HABP4: variants seen among roughly 807,000 people sequenced by gnomAD.
HABP4 encodes intracellular hyaluronan-binding protein 4.
HABP4 carries 32 observed loss-of-function variants against 44.1 expected under a neutral mutation model. The ratio of observed to expected loss-of-function variants is 0.73; its 90% CI spans 0.55 to 0.97. The LOEUF is 0.97. Among genes scored for constraint, HABP4 ranks in the 50% least tolerant of loss-of-function variants. HABP4 has a pLI of 0.00. For synonymous variants in HABP4, 216 were observed against 218.0 expected (o/e 0.99, Z 0.08); for missense variants, 503 against 561.9 (o/e 0.90, Z 1.06).
Position 96,490,059 on chromosome 9 carries a change from C to A in HABP4, c.*21C>A, listed in dbSNP as rs756759174. The A allele has an allele frequency of 1.3e-5, 20 of 1,515,170 alleles. No individual in the cohort carries two copies. The highest frequency in any genetic ancestry group is 1.0e-4 in the Admixed American group (6 of 59,884). The allele number at this position is 1,515,170 out of a possible 1,614,324, so 93.9% of individuals were successfully genotyped here. ...CTTGAAAGAGCCCTGTTTCCCAGCA[C>A]CGCGGAGCTGCACTGCACACCTGTG... On this transcript the variant is annotated 3_prime_UTR_variant, in exon 8 of 8. Transcript: ENST00000375249.
In HABP4 at chr9:96,488,308, G is replaced by T; in HGVS notation, c.1185+34G>T. On this transcript the variant is annotated intron_variant, in intron 7 of 7. Transcript: ENST00000375249. This position sits in a 1 kb window ranked among gnomAD's most constrained non-coding sequence, Gnocchi z 4.6. Reference sequence around the variant, plus strand: ...CTGTATTGACGGTTTGGCGAAAGAAGTTAATAAGGACAGTGCCCTGGGCCC... The same window carrying T: ...CTGTATTGACGGTTTGGCGAAAGAATTTAATAAGGACAGTGCCCTGGGCCC... 6.7e-7 allele frequency: 1 copy of T among 1,494,356 alleles called. No individual in the cohort carries two copies. The highest frequency in any genetic ancestry group is 1.4e-5 in the African/African-American group (1 of 72,600). 92.6% of individuals were successfully genotyped at this position (1,494,356 alleles called of 1,614,324 possible).
At chr9:96,482,925 G>A (rs1234204107) in intron 5 of HABP4, 1 of 152,030 alleles carries the variant, frequency 6.6e-6, no homozygotes, top group Non-Finnish European at 1.5e-5. Context: ...TCCACTTTTT[G>A]GCTATTATGA....
In HABP4 at chr9:96,451,375, GA is replaced by G. The variant is rs1033878300; in HGVS notation, c.349+748del. On this transcript the variant is annotated intron_variant, in intron 1 of 7. Coordinates refer to ENST00000375249, the MANE Select transcript of HABP4 (RefSeq NM_014282.4). ...GCAGCGTGGTGTCCTGCTGCCTGTG[GA>G]CGGGGAGGGTGCTTCAGAGTTCATT... 6 of 482,100 alleles carry G rather than the reference GA, an allele frequency of 1.2e-5. No individual in the cohort carries two copies. In the African/African-American group the frequency reaches 1.3e-4, roughly 10 times the overall value. 29.9% of individuals were successfully genotyped at this position (482,100 alleles called of 1,614,324 possible).
rs1564169576 is a variant in HABP4, at chr9:96,484,651, T to C, written c.999+18T>C. The C allele has an allele frequency of 7.3e-7, 1 of 1,368,122 alleles. No individual in the cohort carries two copies. The highest frequency in any genetic ancestry group is 1.8e-5 in the Admixed American group (1 of 57,110). The allele number at this position is 1,368,122 out of a possible 1,614,324, so 84.7% of individuals were successfully genotyped here. ...GAGATGATGTAAGCATTGCATTTCGTATGTAGAGGTAATCTTTACTTTTAC... is the reference window on the plus strand; with the variant it reads ...GAGATGATGTAAGCATTGCATTTCGCATGTAGAGGTAATCTTTACTTTTAC... On this transcript the variant is annotated intron_variant, in intron 6 of 7. Coordinates refer to ENST00000375249, the MANE Select transcript of HABP4 (RefSeq NM_014282.4).
chr9:96,458,784 G>A (rs180756850), intron 2 of HABP4, among the ~76,000 whole-genome samples: 3 of 151,960 alleles, frequency 2.0e-5, no homozygotes, highest in Admixed American at 1.3e-4. Context: ...CACCACGCCC[G>A]GCTAATTTTG....
In HABP4 at chr9:96,460,864, C is replaced by T. The variant is rs1832489390; in HGVS notation, c.512+2323C>T. 2.0e-5 allele frequency among the ~76,000 whole-genome samples: 3 copies of T among 152,300 alleles called. No homozygotes were observed. The East Asian group carries it at 5.8e-4, about 29-fold the overall frequency. Reference sequence around the variant, plus strand: ...AAATCTGAATCTTGATATCAGAAAACATTTTCTTAGTTTCTTAAAAAATAC... The same window carrying T: ...AAATCTGAATCTTGATATCAGAAAATATTTTCTTAGTTTCTTAAAAAATAC... On this transcript the variant is annotated intron_variant, in intron 2 of 7. Coordinates refer to ENST00000375249, the MANE Select transcript of HABP4 (RefSeq NM_014282.4).
rs771812484 is a variant in HABP4, at chr9:96,465,361, C to T, written c.537C>T (p.Asp179=). The change falls in exon 3 of 8, where the codon GAC becomes GAT. Residue 179 remains aspartate, a synonymous_variant. Transcript: ENST00000375249. ...GACCAGGTGATAGGTTTGATCGAGACAGACCGTTGAGAGGACGTGGAGGCC... is the reference window on the plus strand; with the variant it reads ...GACCAGGTGATAGGTTTGATCGAGATAGACCGTTGAGAGGACGTGGAGGCC... ...DEKPGDRFDR[D]RPLRGRGGPR... is the part of the protein sequence containing the mutation. The T allele has an allele frequency of 1.9e-6, 3 of 1,610,548 alleles. No individual in the cohort carries two copies. The East Asian group carries it at 6.7e-5, about 36-fold the overall frequency.
At position 96,488,395 on chromosome 9, in the gene HABP4, G is replaced by A. The variant is rs1833013930; in HGVS notation, c.1185+121G>A. Reference sequence around the variant, plus strand: ...AGTCACTTCTTTCTGTAGCTAGTGTGGGACTGATGTTGGGGCATTTGGACG... The same window carrying A: ...AGTCACTTCTTTCTGTAGCTAGTGTAGGACTGATGTTGGGGCATTTGGACG... On this transcript the variant is annotated intron_variant, in intron 7 of 7. Transcript: ENST00000375249. This position sits in a 1 kb window ranked among gnomAD's most constrained non-coding sequence, Gnocchi z 4.6. 1 of 651,364 alleles carries A rather than the reference G, an allele frequency of 1.5e-6. No individual in the cohort carries two copies. The highest frequency in any genetic ancestry group is 2.0e-5 in the South Asian group (1 of 49,062). The allele number at this position is 651,364 out of a possible 1,614,324, so 40.3% of individuals were successfully genotyped here. A position where few individuals can be genotyped will look rare whatever the true frequency, so the allele number is the denominator to read the frequency against.
At chr9:96,460,891 C>T (rs1165542136) in intron 2 of HABP4, among the ~76,000 whole-genome samples, 1 of 152,168 alleles carries the variant, frequency 6.6e-6, no homozygotes, top group African/African-American at 2.4e-5. Flanking sequence ...AAAAAATACC[C>T]TCAATAAATA....
intron 2 of HABP4, among the ~76,000 whole-genome samples, 156 bp from the exon 3 acceptor site, chr9:96,465,181 C>T (rs545539227): frequency 1.3e-5 from 2 of 152,310 alleles, no homozygotes; most frequent in South Asian, 4.1e-4. Flanking sequence ...GGTATATAGT[C>T]TATAGTATGC....
intron 3 of HABP4, 104 bp from the exon 4 acceptor site, chr9:96,465,606 C>T (rs1274987219): frequency 8.7e-7 from 1 of 1,154,836 alleles, no homozygotes; most frequent in African/African-American, 1.5e-5. Flanking sequence ...TGCTGTTATT[C>T]TTGTGAGAAG....
At chr9:96,465,880 T>G in intron 4 of HABP4, 102 bp downstream of exon 4, 2 of 697,192 alleles carry the variant, frequency 2.9e-6, no homozygotes, top group East Asian at 5.4e-5. Context: ...TGCTTTATAC[T>G]TGTGTGCCCC....
At chr9:96,453,508 G>A (rs866878279) in intron 1 of HABP4, among the ~76,000 whole-genome samples, 1 of 152,020 alleles carries the variant, frequency 6.6e-6, no homozygotes, top group Non-Finnish European at 1.5e-5. Context: ...ATGATGCCTG[G>A]CCAAAAATGT....
intron 5 of HABP4, among the ~76,000 whole-genome samples, chr9:96,479,710 C>A (rs574475153): frequency 1.3e-5 from 2 of 152,160 alleles, no homozygotes; most frequent in East Asian, 3.9e-4. Flanking sequence ...GGGATTTCAC[C>A]ATGTTGGCCA....
chr9:96,478,802 T>G (rs1329673422), intron 5 of HABP4, among the ~76,000 whole-genome samples: 1 of 151,948 alleles, frequency 6.6e-6, no homozygotes, highest in Non-Finnish European at 1.5e-5. Context: ...CAGCTTATTT[T>G]TTACTTTTTG....
At chr9:96,474,544 T>C (rs1223727732) in intron 5 of HABP4, among the ~76,000 whole-genome samples, 1 of 152,172 alleles carries the variant, frequency 6.6e-6, no homozygotes, top group Non-Finnish European at 1.5e-5. Flanking sequence ...AAAATCTTTC[T>C]CTCTCTTTTC....
rs183939535 is a variant in HABP4 at position 96,486,903 on chromosome 9, C to T, written c.1000-1186C>T. Among the ~76,000 whole-genome samples the T allele has an allele frequency of 1.3e-3, 202 of 152,112 alleles. 2 individuals carry two copies. The highest frequency in any genetic ancestry group is 4.5e-3 in the African/African-American group (189 of 41,548). Reference sequence around the variant, plus strand: ...TGCCCCGAGGCCCTTCCTGCCCCTTCCTGCAGTGGGAGGCGACTCAGAGCA... The same window carrying T: ...TGCCCCGAGGCCCTTCCTGCCCCTTTCTGCAGTGGGAGGCGACTCAGAGCA... On this transcript the variant is annotated intron_variant, in intron 6 of 7. Coordinates refer to ENST00000375249, the MANE Select transcript of HABP4 (RefSeq NM_014282.4).
chr9:96,464,238 A>G (rs1284246162), intron 2 of HABP4, among the ~76,000 whole-genome samples: 1 of 152,166 alleles, frequency 6.6e-6, no homozygotes, highest in Non-Finnish European at 1.5e-5. Flanking sequence ...ATGTCTAGGA[A>G]GTAACTGGCT....
intron 1 of HABP4, among the ~76,000 whole-genome samples, chr9:96,453,893 G>A (rs1488808970): frequency 1.3e-5 from 2 of 152,142 alleles, no homozygotes; most frequent in Non-Finnish European, 2.9e-5. Flanking sequence ...GAAAAAATTG[G>A]ATGCTGATTA....
Sources: allele counts gnomAD v4.1 joint callset (sites outside exome capture counted in the v4.1 genomes callset), GRCh38; gene constraint gnomAD v4.1.1; non-coding constraint Gnocchi (gnomAD v3.1); transcripts MANE v1.5; gene names NCBI Gene and HGNC (gene_info 2026-07-23, HGNC 2026-07-21).